RAB7A: variants seen among roughly 807,000 people sequenced by gnomAD.
RAB7A encodes the protein RAB7A, member RAS oncogene family, also known as ras-related protein Rab-7a.
In RAB7A, 2 loss-of-function variants were observed where a neutral mutation model predicts 24.5. The ratio of observed to expected loss-of-function variants is 0.08; its 90% confidence interval spans 0.03 to 0.26. RAB7A has a LOEUF of 0.26. Among genes scored for constraint, RAB7A ranks in the 10% least tolerant of loss-of-function variants. The pLI, the probability that RAB7A is intolerant of heterozygous loss-of-function variation, is 1.00. For missense variants in RAB7A, 118 were observed against 255.7 expected, an observed-to-expected ratio of 0.46 and a Z score of 3.67; for synonymous variants, 100 against 95.9, an observed-to-expected ratio of 1.04 and a Z score of -0.25.
intron 1 of RAB7A, among the ~76,000 whole-genome samples, chr3:128,742,576 C>T (rs749180215): frequency 1.3e-5 from 2 of 152,034 alleles, no homozygotes; most frequent in African/African-American, 2.4e-5. Context: ...TCTAGCTAGA[C>T]GTAAAAGTTC....
At chr3:128,805,117 T>G (rs1440667952) in intron 3 of RAB7A, among the ~76,000 whole-genome samples, 1 of 151,970 alleles carries the variant, frequency 6.6e-6, no homozygotes, top group African/African-American at 2.4e-5. Flanking sequence ...CCAAGTGTTC[T>G]TTTGTTTGTT....
At chr3:128,731,524 G>A (rs2070436478) in intron 1 of RAB7A, among the ~76,000 whole-genome samples, 1 of 152,192 alleles carries the variant, frequency 6.6e-6, no homozygotes, top group Admixed American at 6.5e-5. Flanking sequence ...TAGTTTACAT[G>A]TGATTTCATT....
At chr3:128,763,208 A>ATATATATATATATATTTTT (rs373993932) in intron 1 of RAB7A, among the ~76,000 whole-genome samples, 6 of 76,060 alleles carry the variant, frequency 7.9e-5, no homozygotes, top group African/African-American at 4.9e-4. Flanking sequence ...ATATATATAT[A>ATATATATATATATATTTTT]TTTTTTTTTT....
intron 1 of RAB7A, among the ~76,000 whole-genome samples, chr3:128,777,751 A>T (rs956849177): frequency 1.3e-5 from 2 of 152,140 alleles, no homozygotes; most frequent in Non-Finnish European, 2.9e-5. Flanking sequence ...AGTTTTTGAG[A>T]TGGAGTCTTA....
chr3:128,777,782 C>T (rs1030359624), intron 1 of RAB7A, among the ~76,000 whole-genome samples: 4 of 152,144 alleles, frequency 2.6e-5, no homozygotes, highest in Admixed American at 6.5e-5. Flanking sequence ...TGTGCAGTGG[C>T]GCGATCTTGG....
intron 1 of RAB7A, among the ~76,000 whole-genome samples, chr3:128,760,059 T>C (rs562070555): frequency 9.2e-5 from 14 of 152,128 alleles, no homozygotes; most frequent in Non-Finnish European, 1.8e-4. Flanking sequence ...TGCCCAGATA[T>C]GTGGCTAAAC....
chr3:128,792,209 A>G (rs759806996), intron 1 of RAB7A, among the ~76,000 whole-genome samples: 2 of 152,152 alleles, frequency 1.3e-5, no homozygotes, highest in African/African-American at 2.4e-5. Context: ...CATGAATTCT[A>G]TCATGTAGGA....
chr3:128,795,280 C>G, intron 1 of RAB7A, 80 bp from the exon 2 acceptor site: 1 of 1,219,098 alleles, frequency 8.2e-7, no homozygotes. Context: ...GTTGGGGCTG[C>G]TCAGACATTT....
intron 1 of RAB7A, among the ~76,000 whole-genome samples, chr3:128,762,072 A>G (rs1407630764): frequency 6.6e-6 from 1 of 152,226 alleles, no homozygotes; most frequent in South Asian, 2.1e-4. Flanking sequence ...CCACTGAAAT[A>G]TACACTTAAA....
intron 5 of RAB7A, among the ~76,000 whole-genome samples, chr3:128,808,733 G>A (rs1933856618): frequency 6.6e-6 from 1 of 152,174 alleles, no homozygotes; most frequent in Non-Finnish European, 1.5e-5. Flanking sequence ...CAGAGGTGTG[G>A]CAGGTTTGGG....
At chr3:128,745,762 T>A (rs1007440621) in intron 1 of RAB7A, among the ~76,000 whole-genome samples, 3 of 152,242 alleles carry the variant, frequency 2.0e-5, no homozygotes, top group Non-Finnish European at 4.4e-5. Flanking sequence ...CCAGGTGGGA[T>A]GGAGGGACTC....
At chr3:128,729,569 C>CAAA (rs71153142) in intron 1 of RAB7A, among the ~76,000 whole-genome samples, 23 of 97,140 alleles carry the variant, frequency 2.4e-4, no homozygotes, top group Admixed American at 7.1e-4. Context: ...GACTTCTTCT[C>CAAA]AAAAAAAAAA....
chr3:128,780,368 G>A (rs1239611316), intron 1 of RAB7A, among the ~76,000 whole-genome samples: 1 of 152,284 alleles, frequency 6.6e-6, no homozygotes, highest in African/African-American at 2.4e-5. Context: ...TGTGGAGGCG[G>A]TTTCAGAATT....
intron 1 of RAB7A, among the ~76,000 whole-genome samples, chr3:128,776,989 CCT>C (rs1559790085): frequency 6.7e-6 from 1 of 148,458 alleles, no homozygotes; most frequent in Non-Finnish European, 1.5e-5. Flanking sequence ...CACACACACC[CCT>C]ATTAGTCATT....
chr3:128,799,074 G>A (rs79042456), intron 3 of RAB7A: 6,524 of 157,676 alleles, frequency 0.041, 189 homozygotes, highest in Non-Finnish European at 0.057. Flanking sequence ...GCTCTGTGAT[G>A]ACCAGTGATT....
chr3:128,809,940 T>C (rs1933889434), intron 5 of RAB7A, among the ~76,000 whole-genome samples: 8 of 53,880 alleles, frequency 1.5e-4, no homozygotes, highest in Admixed American at 6.3e-4. Flanking sequence ...CACAGTCTTT[T>C]TTTTTTTTTT....
At chr3:128,755,174 G>A (rs1390724066) in intron 1 of RAB7A, among the ~76,000 whole-genome samples, 1 of 152,086 alleles carries the variant, frequency 6.6e-6, no homozygotes, top group Non-Finnish European at 1.5e-5. Context: ...TTGACAAAAT[G>A]GGATGAAGTG....
intron 1 of RAB7A, among the ~76,000 whole-genome samples, chr3:128,753,474 A>G (rs534773995): frequency 6.6e-6 from 1 of 152,332 alleles, no homozygotes; most frequent in East Asian, 1.9e-4. Flanking sequence ...AATAAAAAAT[A>G]TTTTAAAAAA....
intron 1 of RAB7A, among the ~76,000 whole-genome samples, chr3:128,734,454 CAAAAAAA>C (rs10524458): frequency 1.2e-5 from 1 of 86,888 alleles, no homozygotes; most frequent in Non-Finnish European, 2.8e-5. Context: ...GACCCTACCT[CAAAAAAA>C]AAAAAAAAAA....
Sources: allele counts gnomAD v4.1 joint callset (sites outside exome capture counted in the v4.1 genomes callset), GRCh38; gene constraint gnomAD v4.1.1; transcripts MANE v1.5; gene names NCBI Gene and HGNC (gene_info 2026-07-23, HGNC 2026-07-21).